DGKI: variants seen among roughly 807,000 people sequenced by gnomAD.
DGKI encodes diacylglycerol kinase iota, also known as DAG kinase iota.
In DGKI, 55 loss-of-function variants were observed where a neutral mutation model predicts 147.5. The ratio of observed to expected loss-of-function variants is 0.37; its 90% CI spans 0.30 to 0.47. DGKI has a LOEUF of 0.47. Among genes scored for constraint, DGKI ranks in the 20% least tolerant of loss-of-function variants. DGKI has a pLI of 1.00. For missense variants in DGKI, 1,007 were observed against 1,323.8 expected (o/e 0.76, Z 3.71); for synonymous variants, 469 against 477.1 (o/e 0.98, Z 0.22).
At chr7:137,392,448 T>C (rs1192145594) in intron 32 of DGKI, among the ~76,000 whole-genome samples, 2 of 152,156 alleles carry the variant, frequency 1.3e-5, no homozygotes, top group East Asian at 3.9e-4. Flanking sequence ...ACCAAATAAA[T>C]AGCTCCATGT....
intron 5 of DGKI, among the ~76,000 whole-genome samples, chr7:137,652,257 C>A (rs187402309): frequency 5.3e-5 from 8 of 151,966 alleles, no homozygotes; most frequent in Non-Finnish European, 1.2e-4. Context: ...TATCCAAAAC[C>A]CTTATGGAAG....
chr7:137,576,223 A>C (rs745364563), intron 17 of DGKI, among the ~76,000 whole-genome samples: 2 of 151,802 alleles, frequency 1.3e-5, no homozygotes, highest in Non-Finnish European at 2.9e-5. Context: ...ATTTTGATAG[A>C]GATGGGATTT....
Position 137,638,648 on chromosome 7 carries a change from G to GTATATATGTACA in DGKI, c.804+6823_804+6824insTGTACATATATA, listed in dbSNP as rs1327484869. ...TATATATGTGTGTATATATGTGTAT[G>GTATATATGTACA]TATATACACACATATGTATATATAC... On this transcript the variant is annotated intron_variant, in intron 6 of 32. Transcript: ENST00000614521. Among the ~76,000 whole-genome samples the GTATATATGTACA allele has an allele frequency of 7.8e-4, 3 of 3,840 alleles. 1 individual carries two copies. Among genetic ancestry groups the GTATATATGTACA allele is most frequent in the African/African-American group, 1.6e-3 (3 of 1,902 alleles). The allele number at this position is 3,840 out of a possible 152,430, so 2.5% of individuals were successfully genotyped here. A position where few individuals can be genotyped will look rare whatever the true frequency, so the allele number is the denominator to read the frequency against.
chr7:137,500,648 A>G (rs1037315041), intron 21 of DGKI, among the ~76,000 whole-genome samples: 4 of 152,164 alleles, frequency 2.6e-5, no homozygotes, highest in African/African-American at 7.2e-5. Context: ...GGGACCCTAT[A>G]TATGAGACTG....
chr7:137,723,959 C>T (rs1436167509), intron 1 of DGKI, among the ~76,000 whole-genome samples: 2 of 152,068 alleles, frequency 1.3e-5, no homozygotes, highest in South Asian at 2.1e-4. Flanking sequence ...CCGCCCACCT[C>T]GGCCTCCCAA....
At chr7:137,548,979 T>TATAA (rs1329603144) in intron 20 of DGKI, among the ~76,000 whole-genome samples, 1 of 151,928 alleles carries the variant, frequency 6.6e-6, no homozygotes, top group Non-Finnish European at 1.5e-5. Context: ...AACAAATAAA[T>TATAA]ATAAATAAAT....
At chr7:137,684,898 A>C (rs1823365047) in intron 2 of DGKI, among the ~76,000 whole-genome samples, 1 of 152,206 alleles carries the variant, frequency 6.6e-6, no homozygotes, top group Non-Finnish European at 1.5e-5. Flanking sequence ...CACAGGAAAC[A>C]GGACTGAAAT....
intron 1 of DGKI, among the ~76,000 whole-genome samples, chr7:137,746,158 G>A (rs1795321463): frequency 6.6e-6 from 1 of 151,972 alleles, no homozygotes; most frequent in Non-Finnish European, 1.5e-5. Context: ...TTTTTGGTTT[G>A]GTTTGGTTCC....
intron 27 of DGKI, among the ~76,000 whole-genome samples, chr7:137,448,152 G>A (rs1004489675): frequency 1.3e-5 from 2 of 151,984 alleles, no homozygotes; most frequent in Admixed American, 6.6e-5. Flanking sequence ...CTTCCACTTT[G>A]AGCCAGGGTG....
chr7:137,773,818 T>G (rs930780214), intron 1 of DGKI, among the ~76,000 whole-genome samples: 1 of 152,198 alleles, frequency 6.6e-6, no homozygotes, highest in African/African-American at 2.4e-5. Context: ...CCTGTAGACA[T>G]TATTTTCATT....
chr7:137,640,946 G>A (rs1437388769), intron 6 of DGKI, among the ~76,000 whole-genome samples: 1 of 152,158 alleles, frequency 6.6e-6, no homozygotes, highest in Non-Finnish European at 1.5e-5. Flanking sequence ...TGTTTGGTTA[G>A]GGAACTGATA....
chr7:137,643,900 T>C (rs1821739904), intron 6 of DGKI, among the ~76,000 whole-genome samples: 1 of 152,196 alleles, frequency 6.6e-6, no homozygotes, highest in Non-Finnish European at 1.5e-5. Context: ...CCAGTGAAGA[T>C]ATTTTTCCAA....
chr7:137,406,721 A>G (rs778050460), intron 30 of DGKI, among the ~76,000 whole-genome samples: 3 of 152,242 alleles, frequency 2.0e-5, no homozygotes, highest in Non-Finnish European at 4.4e-5. Flanking sequence ...GCTTTACCAT[A>G]GGACTTAAAA....
chr7:137,548,384 A>G (rs1183157586), intron 20 of DGKI, among the ~76,000 whole-genome samples: 1 of 152,192 alleles, frequency 6.6e-6, no homozygotes, highest in African/African-American at 2.4e-5. Flanking sequence ...GGGCCTGGTC[A>G]GAGGTGTTTG....
intron 21 of DGKI, among the ~76,000 whole-genome samples, chr7:137,509,736 G>A (rs777100197): frequency 6.6e-6 from 1 of 152,190 alleles, no homozygotes; most frequent in Non-Finnish European, 1.5e-5. Flanking sequence ...ATGTGTTATA[G>A]ACAGAATTGG....
At chr7:137,836,859 C>T (rs1241488124) in intron 1 of DGKI, among the ~76,000 whole-genome samples, 1 of 152,174 alleles carries the variant, frequency 6.6e-6, no homozygotes, top group East Asian at 1.9e-4. Flanking sequence ...CAACCTTTGT[C>T]AAGGCCTCTC....
At position 137,523,389 on chromosome 7, in the gene DGKI, T is replaced by C. The variant is rs1205913312; in HGVS notation, c.2148-1423A>G. 3.3e-5 allele frequency among the ~76,000 whole-genome samples: 5 copies of C among 152,212 alleles called. No individual in the cohort carries two copies. The East Asian group carries it at 9.7e-4, about 29-fold the overall frequency. Reference sequence around the variant, plus strand: ...AAAATAGCACATACATATCAAACTATAGATACATATGTGCACACTCACACA... The same window carrying C: ...AAAATAGCACATACATATCAAACTACAGATACATATGTGCACACTCACACA... On this transcript the variant is annotated intron_variant, in intron 20 of 32. Transcript: ENST00000614521.
intron 5 of DGKI, among the ~76,000 whole-genome samples, chr7:137,651,684 A>T (rs1822032087): frequency 6.6e-6 from 1 of 152,186 alleles, no homozygotes; most frequent in African/African-American, 2.4e-5. Context: ...ACGGAAGAGA[A>T]CATAGAAAAG....
intron 23 of DGKI, among the ~76,000 whole-genome samples, chr7:137,481,973 G>C (rs552898668): frequency 6.6e-6 from 1 of 151,548 alleles, no homozygotes; most frequent in Non-Finnish European, 1.5e-5. Context: ...AAGGCATTTC[G>C]TCGTTCATGT....
Sources: allele counts gnomAD v4.1 joint callset (sites outside exome capture counted in the v4.1 genomes callset), GRCh38; gene constraint gnomAD v4.1.1; transcripts MANE v1.5; gene names NCBI Gene and HGNC (gene_info 2026-07-23, HGNC 2026-07-21).